CAP2: variants seen among roughly 807,000 people sequenced by gnomAD.
CAP2 encodes the protein adenylyl cyclase-associated protein 2.
In CAP2, 24 loss-of-function variants were observed where a neutral mutation model predicts 57.7. That is an observed-to-expected ratio of 0.42 (90% CI 0.30 to 0.58). The LOEUF is 0.58. Ranked by LOEUF, CAP2 falls within the 20% of genes least tolerant of loss-of-function variation. The pLI, the probability that CAP2 is intolerant of heterozygous loss-of-function variation, is 0.22. For missense variants in CAP2, 501 were observed against 590.3 expected, an observed-to-expected ratio of 0.85 and a Z score of 1.57; for synonymous variants, 194 against 207.2, an observed-to-expected ratio of 0.94 and a Z score of 0.55.
At chr6:17,482,775 A>G (rs1167349000) in intron 4 of CAP2, among the ~76,000 whole-genome samples, 1 of 152,202 alleles carries the variant, frequency 6.6e-6, no homozygotes, top group African/African-American at 2.4e-5. Context: ...TCCCTACTGC[A>G]GTACGACCTC....
chr6:17,488,126 C>T (rs1191302587), intron 4 of CAP2, among the ~76,000 whole-genome samples: 1 of 150,924 alleles, frequency 6.6e-6, no homozygotes, highest in African/African-American at 2.4e-5. Context: ...CTGGCTGGTC[C>T]TGAACTCCTG....
At chr6:17,441,767 G>A (rs890692142) in intron 3 of CAP2, among the ~76,000 whole-genome samples, 3 of 152,170 alleles carry the variant, frequency 2.0e-5, no homozygotes, top group Non-Finnish European at 2.9e-5. Flanking sequence ...TTACAGGAGC[G>A]AGCCACGGTG....
rs553433242 is a variant in CAP2 at position 17,409,353 on chromosome 6, C to T, written c.-1-12202C>T. On this transcript the variant is annotated intron_variant, in intron 1 of 12. Transcript: ENST00000229922. ...CGCCACTGCACTCCAGCCTGGGTGACAGAGTGAGACTCTGTCTCAAAAAAA... is the reference window on the plus strand; with the variant it reads ...CGCCACTGCACTCCAGCCTGGGTGATAGAGTGAGACTCTGTCTCAAAAAAA... Among the ~76,000 whole-genome samples, 6 of 151,726 alleles carry T rather than the reference C, an allele frequency of 4.0e-5. No individual in the cohort carries two copies. The East Asian group carries it at 1.2e-3, about 30-fold the overall frequency.
Position 17,513,896 on chromosome 6 carries a change from G to A in CAP2, c.578G>A (p.Ser193Asn). The A allele has an allele frequency of 6.2e-7, 1 of 1,613,962 alleles. No individual in the cohort carries two copies. Residue 193 changes from serine (S) to asparagine (N), a missense_variant, in exon 7 of 13, where the codon AGT becomes AAT. Transcript: ENST00000229922. This position sits in a 1 kb window ranked among gnomAD's most constrained non-coding sequence, Gnocchi z 4.3. ...DWVKSYLNIW[S>N]ELQAYIKEHH... ...GTGAAGTCATATTTGAACATTTGGA[G>A]TGAACTTCAAGCATACATCAAGGAA... is the stretch of plus-strand genomic sequence containing the variant.
chr6:17,513,683 C>T lies in CAP2; in HGVS notation c.531-166C>T, dbSNP rs1174400567. On this transcript the variant is annotated intron_variant, in intron 6 of 12. Transcript: ENST00000229922. This position sits in a 1 kb window ranked among gnomAD's most constrained non-coding sequence, Gnocchi z 4.3. ...CTCAGGAGAGTACTGGGCCAGCTTC[C>T]TCCCAGGGTTCCCTTCTGAAGCCCT... 2.0e-5 allele frequency among the ~76,000 whole-genome samples: 3 copies of T among 152,202 alleles called. No homozygotes were observed. In the East Asian group the frequency reaches 5.8e-4, roughly 29 times the overall value.
chr6:17,520,662 A>G (rs1762370015), intron 7 of CAP2, among the ~76,000 whole-genome samples: 1 of 152,176 alleles, frequency 6.6e-6, no homozygotes, highest in Admixed American at 6.5e-5. Flanking sequence ...TGAAAGTTTA[A>G]TAGCTTACTT....
At chr6:17,541,437 G>A (rs1032548639) in intron 9 of CAP2, among the ~76,000 whole-genome samples, 2 of 151,906 alleles carry the variant, frequency 1.3e-5, no homozygotes, top group Non-Finnish European at 2.9e-5. Flanking sequence ...AAAATTAGCC[G>A]GGCATGGTGG....
rs777803474 is a variant in CAP2 at position 17,406,398 on chromosome 6, C to CTTTTTTTT, written c.-2+12660_-2+12667dup. ...CTTTTCTGTCAGTAAGCCCAGATTT[C>CTTTTTTTT]TTTTTTTTTTTTTTTGAGGCAGTCT... On this transcript the variant is annotated intron_variant, in intron 1 of 12. Coordinates refer to ENST00000229922, the MANE Select transcript of CAP2 (RefSeq NM_006366.3). 4.9e-5 allele frequency among the ~76,000 whole-genome samples: 5 copies of CTTTTTTTT among 102,480 alleles called. 1 individual carries two copies. The highest frequency in any genetic ancestry group is 2.9e-4 in the African/African-American group (5 of 17,008). 67.2% of individuals were successfully genotyped at this position (102,480 alleles called of 152,430 possible).
At chr6:17,545,159 A>G (rs1437836301) in intron 11 of CAP2, among the ~76,000 whole-genome samples, 1 of 152,230 alleles carries the variant, frequency 6.6e-6, no homozygotes, top group African/African-American at 2.4e-5. Context: ...ATGTTTAGCC[A>G]TAGTCATGCA....
intron 3 of CAP2, among the ~76,000 whole-genome samples, chr6:17,461,601 A>G (rs1490588837): frequency 1.3e-5 from 2 of 152,198 alleles, no homozygotes; most frequent in African/African-American, 4.8e-5. Context: ...GAATAACTGC[A>G]TGAATTTTCT....
intron 11 of CAP2, among the ~76,000 whole-genome samples, chr6:17,547,624 G>A (rs1301811624): frequency 5.9e-5 from 9 of 152,046 alleles, no homozygotes; most frequent in Non-Finnish European, 8.8e-5. Flanking sequence ...GGCAAATCAC[G>A]AGGTCCGGAG....
At chr6:17,429,191 C>T (rs1759665568) in intron 3 of CAP2, among the ~76,000 whole-genome samples, 2 of 152,146 alleles carry the variant, frequency 1.3e-5, no homozygotes, top group Admixed American at 6.5e-5. Flanking sequence ...TATTCTGAGG[C>T]GTGATAACTC....
At chr6:17,397,508 C>T (rs1016286691) in intron 1 of CAP2, among the ~76,000 whole-genome samples, 4 of 151,706 alleles carry the variant, frequency 2.6e-5, no homozygotes, top group South Asian at 4.2e-4. Context: ...TCCTGGCTAA[C>T]GTGGTGAAAC....
chr6:17,533,050 A>G (rs1303523671), intron 7 of CAP2, among the ~76,000 whole-genome samples: 2 of 146,020 alleles, frequency 1.4e-5, no homozygotes, highest in Non-Finnish European at 3.0e-5. Flanking sequence ...GGGCAACAAG[A>G]GCAAAACTCC....
intron 6 of CAP2, among the ~76,000 whole-genome samples, chr6:17,510,972 G>A (rs997043830): frequency 6.6e-6 from 1 of 152,218 alleles, no homozygotes; most frequent in Non-Finnish European, 1.5e-5. Context: ...AGTCAAAAGG[G>A]TTGGGCTTTT....
At chr6:17,528,711 T>C (rs2113684360) in intron 7 of CAP2, among the ~76,000 whole-genome samples, 1 of 152,340 alleles carries the variant, frequency 6.6e-6, no homozygotes, top group Non-Finnish European at 1.5e-5. Context: ...GGACTGTCTT[T>C]TTATTTTGAC....
At chr6:17,474,187 T>G (rs1249375349) in intron 4 of CAP2, among the ~76,000 whole-genome samples, 566 of 26,890 alleles carry the variant, frequency 0.021, 2 homozygotes, top group African/African-American at 0.13. Flanking sequence ...AAAACAGTCT[T>G]TTTTTTTTTT....
chr6:17,421,794 G>A, intron 2 of CAP2, 118 bp downstream of exon 2: 5 of 1,157,118 alleles, frequency 4.3e-6, no homozygotes, highest in East Asian at 4.7e-5. Flanking sequence ...TCCTTCCATC[G>A]TATGTGACCA....
intron 4 of CAP2, among the ~76,000 whole-genome samples, chr6:17,489,305 G>A (rs763224738): frequency 5.3e-5 from 8 of 152,094 alleles, no homozygotes; most frequent in Middle Eastern, 3.2e-3. Context: ...GGTGGCACGC[G>A]CCTATAAGCC....
Sources: gnomAD v4.1 joint callset for allele counts (sites outside exome capture counted in the v4.1 genomes callset) on GRCh38, gnomAD v4.1.1 for gene constraint, Gnocchi (gnomAD v3.1) non-coding constraint, MANE v1.5 for transcripts, NCBI Gene and HGNC (gene_info 2026-07-23, HGNC 2026-07-21) for gene names.